The following AGBL4 variants were observed in gnomAD, a reference collection of about 807,000 sequenced individuals.
The protein encoded by AGBL4 is cytosolic carboxypeptidase 6.
Under a neutral mutation model 66.4 loss-of-function variants are expected in AGBL4, and 58 were observed. That is an observed-to-expected ratio of 0.87 (90% CI 0.71 to 1.09). The LOEUF (loss-of-function observed/expected upper bound fraction) is 1.09, where lower values mean the gene tolerates loss of function less well. AGBL4 is among the 50% of genes least tolerant of loss of function. The pLI, the probability that AGBL4 is intolerant of heterozygous loss-of-function variation, is 0.00. For missense variants in AGBL4, 579 were observed against 631.0 expected (o/e 0.92, Z 0.88); for synonymous variants, 234 against 222.9 (o/e 1.05, Z -0.44).
intron 3 of AGBL4, among the ~76,000 whole-genome samples, chr1:49,259,698 A>G (rs1652920379): frequency 7.9e-6 from 1 of 127,122 alleles, no homozygotes; most frequent in Non-Finnish European, 1.7e-5. Context: ...ACTCCCACAC[A>G]ATAATAATGG....
chr1:48,728,193 A>G (rs1356228674), intron 6 of AGBL4: 7 of 687,164 alleles, frequency 1.0e-5, no homozygotes, highest in African/African-American at 9.1e-5. Context: ...TTTGCATCAT[A>G]GAATGTACTT....
At chr1:49,869,741 T>C (rs1391143401) in intron 1 of AGBL4, among the ~76,000 whole-genome samples, 1 of 152,070 alleles carries the variant, frequency 6.6e-6, no homozygotes, top group Non-Finnish European at 1.5e-5. Context: ...CACATGTATC[T>C]TGGAACTAAA....
At chr1:49,980,076 A>C (rs1658934106) in intron 1 of AGBL4, among the ~76,000 whole-genome samples, 1 of 152,132 alleles carries the variant, frequency 6.6e-6, no homozygotes, top group South Asian at 2.1e-4. Flanking sequence ...TATATACAAA[A>C]TATGTGTTAA....
At chr1:48,608,767 T>C (rs1645191696) in intron 9 of AGBL4, among the ~76,000 whole-genome samples, 1 of 152,112 alleles carries the variant, frequency 6.6e-6, no homozygotes, top group Non-Finnish European at 1.5e-5. Context: ...ATAAACTCCC[T>C]CTTTCACCAG....
At chr1:49,674,551 G>T (rs538469138) in intron 3 of AGBL4, among the ~76,000 whole-genome samples, 3 of 138,636 alleles carry the variant, frequency 2.2e-5, no homozygotes, top group Admixed American at 7.6e-5. Flanking sequence ...GAGAATAAAA[G>T]AATATATATA....
At chr1:49,528,996 A>G (rs2148811167) in intron 3 of AGBL4, among the ~76,000 whole-genome samples, 1 of 152,230 alleles carries the variant, frequency 6.6e-6, no homozygotes, top group African/African-American at 2.4e-5. Context: ...TTTAAACACT[A>G]CAAAGTCATT....
At chr1:49,603,978 A>C (rs867318524) in intron 3 of AGBL4, among the ~76,000 whole-genome samples, 103 of 127,592 alleles carry the variant, frequency 8.1e-4, no homozygotes, top group Middle Eastern at 3.9e-3. Context: ...ACACACACAC[A>C]CACCACATTT....
intron 5 of AGBL4, among the ~76,000 whole-genome samples, chr1:48,910,161 CT>C (rs1652963801): frequency 6.6e-6 from 1 of 152,158 alleles, no homozygotes; most frequent in Non-Finnish European, 1.5e-5. Context: ...ACCAAGAAGA[CT>C]TTAGTTTTCT....
chr1:48,708,467 AG>A (rs1331833300), intron 6 of AGBL4, among the ~76,000 whole-genome samples: 1 of 152,180 alleles, frequency 6.6e-6, no homozygotes, highest in East Asian at 1.9e-4. Context: ...AGCATATTCA[AG>A]GGCCCAGAGG....
At chr1:50,012,488 AGTTT>A (rs997100777) in intron 1 of AGBL4, among the ~76,000 whole-genome samples, 15 of 149,996 alleles carry the variant, frequency 1.0e-4, no homozygotes, top group African/African-American at 2.8e-4. Flanking sequence ...CTACATATCC[AGTTT>A]TTTTAATTTT....
At chr1:49,065,454 A>T (rs1432341593) in intron 4 of AGBL4, among the ~76,000 whole-genome samples, 1 of 152,228 alleles carries the variant, frequency 6.6e-6, no homozygotes, top group Non-Finnish European at 1.5e-5. Flanking sequence ...AGTGTACACA[A>T]TGTTTCCAAA....
intron 3 of AGBL4, among the ~76,000 whole-genome samples, chr1:49,572,672 T>C (rs1644355851): frequency 1.3e-5 from 2 of 152,228 alleles, no homozygotes; most frequent in South Asian, 4.1e-4. Context: ...TAGTTGTTTG[T>C]ATTTCTGTGC....
chr1:49,510,022 G>A (rs773045380), intron 3 of AGBL4, among the ~76,000 whole-genome samples: 1 of 151,896 alleles, frequency 6.6e-6, no homozygotes, highest in Non-Finnish European at 1.5e-5. Context: ...GTCAGTGAAG[G>A]CAAGGCTTGC....
intron 3 of AGBL4, among the ~76,000 whole-genome samples, chr1:49,501,022 T>C (rs1441273112): frequency 6.6e-6 from 1 of 152,152 alleles, no homozygotes. Flanking sequence ...GAAATGTATT[T>C]GTTTGTATAG....
intron 6 of AGBL4, among the ~76,000 whole-genome samples, chr1:48,842,053 A>G (rs2148797408): frequency 6.6e-6 from 1 of 152,282 alleles, no homozygotes; most frequent in Non-Finnish European, 1.5e-5. Flanking sequence ...ACTCTGGAAA[A>G]TAACTTAATA....
chr1:48,876,507 A>T (rs1236576303), intron 5 of AGBL4, among the ~76,000 whole-genome samples: 6 of 152,094 alleles, frequency 3.9e-5, no homozygotes, highest in Non-Finnish European at 5.9e-5. Flanking sequence ...TCATGTGGGG[A>T]CCTGCAAGAA....
chr1:49,743,493 G>A (rs189736747), intron 2 of AGBL4, among the ~76,000 whole-genome samples: 140 of 152,288 alleles, frequency 9.2e-4, no homozygotes, highest in African/African-American at 3.2e-3. Flanking sequence ...AAGTTAGTGT[G>A]GCGATTCCTC....
At chr1:49,832,432 T>C (rs1645715917) in intron 2 of AGBL4, among the ~76,000 whole-genome samples, 5 of 147,278 alleles carry the variant, frequency 3.4e-5, no homozygotes, top group Admixed American at 6.9e-5. Flanking sequence ...GTCTTTGCTA[T>C]TGTGAATAGT....
intron 2 of AGBL4, among the ~76,000 whole-genome samples, chr1:49,706,755 C>T (rs538376065): frequency 6.6e-6 from 1 of 152,198 alleles, no homozygotes; most frequent in South Asian, 2.1e-4. Flanking sequence ...TCTCTTTGTT[C>T]TCATTGGTTT....
Sources: gnomAD v4.1 joint callset for allele counts (sites outside exome capture counted in the v4.1 genomes callset) on GRCh38, gnomAD v4.1.1 for gene constraint, MANE v1.5 for transcripts, NCBI Gene and HGNC (gene_info 2026-07-23, HGNC 2026-07-21) for gene names.